Variants in LSM12 observed in about 807,000 individuals in gnomAD.
LSM12 encodes protein LSM12.
For synonymous variants in LSM12, 74 were observed against 87.3 expected, an observed-to-expected ratio of 0.85 and a Z score of 0.85; for missense variants, 108 against 238.9, an observed-to-expected ratio of 0.45 and a Z score of 3.61.
At chr17:44,066,170 C>A (rs1262768037) in intron 1 of LSM12, among the ~76,000 whole-genome samples, 1 of 151,590 alleles carries the variant, frequency 6.6e-6, no homozygotes, top group Non-Finnish European at 1.5e-5. Context: ...TACTGTGTCC[C>A]CTCTCATAAC....
chr17:44,045,999 C>A (rs1459099336), intron 2 of LSM12, among the ~76,000 whole-genome samples: 1 of 144,426 alleles, frequency 6.9e-6, no homozygotes, highest in Non-Finnish European at 1.5e-5. Flanking sequence ...TGCAGTGGCG[C>A]GATCTTGGCT....
At chr17:44,063,723 A>G (rs2144116649) in intron 2 of LSM12, 78 bp downstream of exon 2, 1 of 1,404,316 alleles carries the variant, frequency 7.1e-7, no homozygotes, top group Non-Finnish European at 9.4e-7. Flanking sequence ...AAAAATAGAC[A>G]ACAATGTATC....
At position 44,066,570 on chromosome 17, in the gene LSM12, G is replaced by T; in HGVS notation, c.18C>A (p.Gly6=). MAAPP[G]EYFSVGSQVS... is the part of the protein sequence containing the mutation. ...CCTGGCTCCCAACGCTGAAGTACTC[G>T]CCCGGAGGAGCCGCCATCTTGGGAG... Residue 6 remains glycine, a synonymous_variant, in exon 1 of 5, where the codon GGC becomes GGA. Coordinates refer to ENST00000293406, the MANE Select transcript of LSM12 (RefSeq NM_001371445.1). 6.8e-7 allele frequency: 1 copy of T among 1,466,956 alleles called. No homozygotes were observed. Among genetic ancestry groups the T allele is most frequent in the Non-Finnish European group, 9.0e-7 (1 of 1,105,184 alleles). 90.9% of individuals were successfully genotyped at this position (1,466,956 alleles called of 1,614,324 possible).
intron 3 of LSM12, among the ~76,000 whole-genome samples, chr17:44,039,118 A>T (rs1475086829): frequency 6.6e-6 from 1 of 152,038 alleles, no homozygotes; most frequent in Non-Finnish European, 1.5e-5. Context: ...TGCAATGCAC[A>T]ATCTTGGCTC....
intron 2 of LSM12, among the ~76,000 whole-genome samples, chr17:44,062,567 T>C (rs2049812217): frequency 6.6e-6 from 1 of 152,096 alleles, no homozygotes; most frequent in Non-Finnish European, 1.5e-5. Flanking sequence ...AACTTCAATT[T>C]TGACTAAATA....
At chr17:44,061,976 CT>C (rs2049801026) in intron 2 of LSM12, among the ~76,000 whole-genome samples, 2 of 152,162 alleles carry the variant, frequency 1.3e-5, no homozygotes, top group African/African-American at 4.8e-5. Context: ...AATCCCAGCA[CT>C]TTGGGAGGCC....
intron 2 of LSM12, among the ~76,000 whole-genome samples, chr17:44,055,534 G>C (rs989793892): frequency 6.7e-6 from 1 of 148,334 alleles, no homozygotes; most frequent in Non-Finnish European, 1.5e-5. Context: ...AAAATTAGCC[G>C]GGCATTGTGG....
intron 1 of LSM12, 124 bp downstream of exon 1, chr17:44,066,340 G>T: frequency 2.3e-6 from 3 of 1,297,898 alleles, no homozygotes; most frequent in Non-Finnish European, 3.0e-6. Flanking sequence ...ATGCGCCCCG[G>T]GCGCCGCGGT....
intron 2 of LSM12, among the ~76,000 whole-genome samples, chr17:44,047,888 T>C (rs955944247): frequency 5.9e-5 from 9 of 151,760 alleles, no homozygotes; most frequent in African/African-American, 1.9e-4. Flanking sequence ...CGGGCTGCCT[T>C]ATTAAGAGTT....
At chr17:44,059,193 CAT>C (rs1273905941) in intron 2 of LSM12, among the ~76,000 whole-genome samples, 2 of 152,060 alleles carry the variant, frequency 1.3e-5, no homozygotes, top group East Asian at 1.9e-4. Flanking sequence ...CACACACACA[CAT>C]ACACACACAC....
intron 2 of LSM12, among the ~76,000 whole-genome samples, chr17:44,052,482 G>C (rs1430584206): frequency 1.3e-5 from 2 of 152,056 alleles, no homozygotes; most frequent in Non-Finnish European, 2.9e-5. Context: ...AAACAGGCCG[G>C]GTGCGGTGGC....
Position 44,036,308 on chromosome 17 carries a change from A to T in LSM12, c.496-8T>A, listed in dbSNP as rs927255021. 1 of 1,614,092 alleles carries T rather than the reference A, an allele frequency of 6.2e-7. No individual in the cohort carries two copies. The highest frequency in any genetic ancestry group is 8.5e-7 in the Non-Finnish European group (1 of 1,179,978). On this transcript the variant is annotated splice_region_variant and splice_polypyrimidine_tract_variant and intron_variant, in intron 4 of 4. Coordinates refer to ENST00000293406, the MANE Select transcript of LSM12 (RefSeq NM_001371445.1). ...TCTAAAATGTTTTTCAACCTGAAAA[A>T]GACCAGGCAACCCAGGTCAACAAAG...
rs1322122123 is a variant in LSM12 at position 44,034,692 on chromosome 17, T to C, written c.*1516A>G. On this transcript the variant is annotated 3_prime_UTR_variant, in exon 5 of 5. Transcript: ENST00000293406. ...TTGCTAAATAATACTAAAAAAAAAA[T>C]TTCATTTTGAAGGCAGGGCTTGAAT... is the stretch of plus-strand genomic sequence containing the variant. 1 of 149,580 alleles carries C rather than the reference T, an allele frequency of 6.7e-6. No homozygotes were observed. Among genetic ancestry groups the C allele is most frequent in the Non-Finnish European group, 1.5e-5 (1 of 67,410 alleles). The allele number at this position is 149,580 out of a possible 1,614,324, so 9.3% of individuals were successfully genotyped here. A position where few individuals can be genotyped will look rare whatever the true frequency, so the allele number is the denominator to read the frequency against.
At chr17:44,055,201 G>C (rs1190368065) in intron 2 of LSM12, among the ~76,000 whole-genome samples, 1 of 151,956 alleles carries the variant, frequency 6.6e-6, no homozygotes, top group East Asian at 1.9e-4. Context: ...CTAGAAGCCA[G>C]AAAAACTATC....
chr17:44,051,258 GTGAT>G lies in LSM12; in HGVS notation c.259-11006_259-11003del, dbSNP rs940395152. On this transcript the variant is annotated intron_variant, in intron 2 of 4. Coordinates refer to ENST00000293406, the MANE Select transcript of LSM12 (RefSeq NM_001371445.1). The stretch of plus-strand genomic sequence containing the variant: ...CGTCTCTACTAAAAATTAGCCAGGC[GTGAT>G]GGCGGGCACCTGTAGTCCCAGCTAC... Among the ~76,000 whole-genome samples, 4 of 152,118 alleles carry G rather than the reference GTGAT, an allele frequency of 2.6e-5. No homozygotes were observed. In the South Asian group the frequency reaches 8.3e-4, roughly 32 times the overall value.
intron 2 of LSM12, among the ~76,000 whole-genome samples, chr17:44,062,741 A>G (rs1388392865): frequency 6.6e-6 from 1 of 151,840 alleles, no homozygotes; most frequent in Non-Finnish European, 1.5e-5. Context: ...ACAAAAATTG[A>G]GCCAGGAGCA....
At chr17:44,061,960 G>A (rs1449487889) in intron 2 of LSM12, among the ~76,000 whole-genome samples, 1 of 152,130 alleles carries the variant, frequency 6.6e-6, no homozygotes, top group Non-Finnish European at 1.5e-5. Flanking sequence ...GGTGGCTCAC[G>A]CCTGTAATCC....
chr17:44,059,742 A>G (rs957566827), intron 2 of LSM12, among the ~76,000 whole-genome samples: 2 of 152,152 alleles, frequency 1.3e-5, no homozygotes, highest in Non-Finnish European at 2.9e-5. Flanking sequence ...TATTTCCTGT[A>G]TAAGCCCTTC....
At chr17:44,047,946 G>A (rs1326971348) in intron 2 of LSM12, among the ~76,000 whole-genome samples, 1 of 151,412 alleles carries the variant, frequency 6.6e-6, no homozygotes, top group Non-Finnish European at 1.5e-5. Flanking sequence ...CACTTTGGGA[G>A]GCTGAGGAAG....
Sources: allele counts gnomAD v4.1 joint callset (sites outside exome capture counted in the v4.1 genomes callset), GRCh38; gene constraint gnomAD v4.1.1; transcripts MANE v1.5; gene names NCBI Gene and HGNC (gene_info 2026-07-23, HGNC 2026-07-21).